NUP98: variants seen among roughly 807,000 people sequenced by gnomAD.
NUP98 encodes the protein nucleoporin 98 and 96 precursor, also known as nuclear pore complex protein Nup98-Nup96.
A neutral mutation model predicts 191.9 loss-of-function variants in NUP98; 26 were observed. The ratio of observed to expected loss-of-function variants is 0.14; its 90% CI spans 0.10 to 0.19. The LOEUF is 0.19. NUP98 is among the 10% of genes least tolerant of loss of function. The pLI is 1.00. For synonymous variants in NUP98, 808 were observed against 778.4 expected, an observed-to-expected ratio of 1.04 and a Z score of -0.63; for missense variants, 1,941 against 2,178.8, an observed-to-expected ratio of 0.89 and a Z score of 2.17.
chr11:3,720,265 T>C (rs1421301036), intron 17 of NUP98, among the ~76,000 whole-genome samples: 4 of 152,208 alleles, frequency 2.6e-5, no homozygotes, highest in Non-Finnish European at 5.9e-5. Flanking sequence ...ATGAAGTTCA[T>C]GCTAAGTGTT....
chr11:3,686,782 T>C (rs2078145602), intron 28 of NUP98, among the ~76,000 whole-genome samples: 1 of 152,050 alleles, frequency 6.6e-6, no homozygotes, highest in African/African-American at 2.4e-5. Flanking sequence ...TCAGGAGAGT[T>C]TGAGACCAGC....
At chr11:3,676,753 C>T (rs1293275993) in intron 31 of NUP98, 133 bp from the exon 32 acceptor site, 1 of 787,318 alleles carries the variant, frequency 1.3e-6, no homozygotes, top group Non-Finnish European at 2.3e-6. Context: ...TGACACAGGG[C>T]CAAGCCACCA....
chr11:3,763,556 G>C (rs2081244355), intron 8 of NUP98, among the ~76,000 whole-genome samples: 1 of 152,274 alleles, frequency 6.6e-6, no homozygotes, highest in Admixed American at 6.5e-5. Flanking sequence ...TTATGTTAAA[G>C]AGCCTTAATT....
chr11:3,764,088 C>T (rs374789488), intron 8 of NUP98, among the ~76,000 whole-genome samples: 1 of 152,290 alleles, frequency 6.6e-6, no homozygotes, highest in East Asian at 1.9e-4. Context: ...TTCTTACACC[C>T]CCCAAAGAAA....
rs2081241489 is a variant in NUP98, at chr11:3,763,474, G to C, written c.949-435C>G. On this transcript the variant is annotated intron_variant, in intron 8 of 32. Coordinates refer to ENST00000324932, the MANE Select transcript of NUP98 (RefSeq NM_016320.5). ...AAAAGAACTAATCAGTATCAAGCTG[G>C]GGAGTGAACTTAGAATCAAGTAACC... Among the ~76,000 whole-genome samples the C allele has an allele frequency of 2.6e-5, 4 of 152,260 alleles. No individual in the cohort carries two copies. The East Asian group carries it at 5.8e-4, about 22-fold the overall frequency.
intron 12 of NUP98, among the ~76,000 whole-genome samples, chr11:3,742,498 C>T (rs1186697644): frequency 2.0e-5 from 3 of 151,882 alleles, no homozygotes; most frequent in East Asian, 1.9e-4. Context: ...GTCAGGAGTT[C>T]GAGACCAGCC....
intron 7 of NUP98, among the ~76,000 whole-genome samples, chr11:3,770,191 A>T (rs2081481062): frequency 1.3e-5 from 2 of 152,100 alleles, no homozygotes; most frequent in South Asian, 4.1e-4. Context: ...TTAAAAATAT[A>T]AAAAATTGGC....
intron 27 of NUP98, among the ~76,000 whole-genome samples, chr11:3,691,941 G>A (rs537605519): frequency 1.3e-5 from 2 of 152,180 alleles, no homozygotes; most frequent in Non-Finnish European, 2.9e-5. Context: ...TATAATCCCA[G>A]CACTTTGAAA....
At chr11:3,723,819 C>A (rs1589811241) in intron 15 of NUP98, among the ~76,000 whole-genome samples, 2 of 145,492 alleles carry the variant, frequency 1.4e-5, no homozygotes, top group Non-Finnish European at 1.5e-5. Context: ...GGTGTCTATA[C>A]AAAGGGTTTC....
intron 1 of NUP98, among the ~76,000 whole-genome samples, chr11:3,789,388 A>C (rs1219748762): frequency 6.6e-6 from 1 of 152,164 alleles, no homozygotes; most frequent in African/African-American, 2.4e-5. Context: ...ATCCCTGCAC[A>C]AACACAATAT....
intron 9 of NUP98, among the ~76,000 whole-genome samples, chr11:3,762,384 A>G (rs1332920430): frequency 6.6e-6 from 1 of 151,756 alleles, no homozygotes; most frequent in Non-Finnish European, 1.5e-5. Context: ...GGCCTCCCAG[A>G]GTGCTGGGAT....
chr11:3,698,419 T>C (rs553058466), intron 25 of NUP98, among the ~76,000 whole-genome samples: 1 of 152,078 alleles, frequency 6.6e-6, no homozygotes, highest in Non-Finnish European at 1.5e-5. Context: ...TTTAAGGTCC[T>C]AAAAAAAGAA....
At chr11:3,743,466 G>A (rs1172841089) in intron 12 of NUP98, among the ~76,000 whole-genome samples, 1 of 144,588 alleles carries the variant, frequency 6.9e-6, no homozygotes, top group Non-Finnish European at 1.5e-5. Context: ...CTAACATGGT[G>A]AAACCCCGTC....
At chr11:3,714,091 T>TA (rs2079102817) in intron 18 of NUP98, 96 bp from the exon 19 acceptor site, 7 of 1,195,476 alleles carry the variant, frequency 5.9e-6, no homozygotes, top group South Asian at 1.3e-5. Context: ...TGAATAATGG[T>TA]AACTATGCTG....
intron 5 of NUP98, 53 bp downstream of exon 5, chr11:3,775,829 G>A: frequency 6.4e-7 from 1 of 1,561,224 alleles, no homozygotes; most frequent in South Asian, 1.1e-5. Flanking sequence ...ATCCTGCAAA[G>A]AAATATACAT....
intron 19 of NUP98, among the ~76,000 whole-genome samples, chr11:3,713,410 C>T (rs1230284266): frequency 6.6e-6 from 1 of 152,120 alleles, no homozygotes; most frequent in East Asian, 1.9e-4. Context: ...CATCTCTCTC[C>T]AAATTTCTAA....
chr11:3,744,070 A>G (rs1277094276), intron 12 of NUP98, among the ~76,000 whole-genome samples: 2 of 152,202 alleles, frequency 1.3e-5, no homozygotes, highest in East Asian at 3.8e-4. Context: ...AAAAAATAAA[A>G]TAAAGAAAAA....
intron 9 of NUP98, among the ~76,000 whole-genome samples, chr11:3,761,892 C>T (rs1010490749): frequency 5.9e-5 from 9 of 152,004 alleles, no homozygotes; most frequent in Admixed American, 2.0e-4. Context: ...TGCAGTGAGC[C>T]GAGATCATGC....
At chr11:3,740,850 G>A (rs183929262) in intron 12 of NUP98, among the ~76,000 whole-genome samples, 140 of 150,070 alleles carry the variant, frequency 9.3e-4, no homozygotes, top group Non-Finnish European at 1.8e-4. Context: ...ACAGAGTCTC[G>A]CACTTTCGCC....
Sources: gnomAD v4.1 joint callset for allele counts (sites outside exome capture counted in the v4.1 genomes callset) on GRCh38, gnomAD v4.1.1 for gene constraint, MANE v1.5 for transcripts, NCBI Gene and HGNC (gene_info 2026-07-23, HGNC 2026-07-21) for gene names.